The following DYNAP variants were observed in gnomAD, a reference collection of about 807,000 sequenced individuals.
DYNAP encodes dynactin associated protein.
Under a neutral mutation model 8.5 loss-of-function variants are expected in DYNAP, and 7 were observed. The ratio of observed to expected loss-of-function variants is 0.82; its 90% CI spans 0.47 to 1.54. DYNAP has a LOEUF of 1.54. DYNAP is among the 40% of genes most tolerant of loss of function. DYNAP has a pLI of 0.01. For missense variants in DYNAP, 256 were observed against 224.3 expected (o/e 1.14, Z -0.90); for synonymous variants, 77 against 77.9 (o/e 0.99, Z 0.06).
chr18:54,597,851 A>G lies in DYNAP; in HGVS notation c.261A>G (p.Lys87=). Residue 87 remains lysine, a synonymous_variant, in exon 3 of 3, where the codon AAA becomes AAG. Transcript: ENST00000648945. Reference sequence around the variant, plus strand: ...GCCGCAATGACTGGTCTATGTGGAAAGTCTTCCTGGCTTGTCTCTTAGCCT... The same window carrying G: ...GCCGCAATGACTGGTCTATGTGGAAGGTCTTCCTGGCTTGTCTCTTAGCCT... ...EYCRNDWSMW[K]VFLACLLACV... The G allele has an allele frequency of 6.2e-7, 1 of 1,612,720 alleles. No homozygotes were observed. Among genetic ancestry groups the G allele is most frequent in the Non-Finnish European group, 8.5e-7 (1 of 1,178,994 alleles).
At position 54,591,248 on chromosome 18, in the gene DYNAP, C is replaced by G. The variant is rs565086529; in HGVS notation, c.-35C>G. 3.1e-6 allele frequency: 5 copies of G among 1,612,334 alleles called. No individual in the cohort carries two copies. In the East Asian group the frequency reaches 8.9e-5, roughly 29 times the overall value. On this transcript the variant is annotated 5_prime_UTR_variant, in exon 1 of 3. Transcript: ENST00000648945. The stretch of plus-strand genomic sequence containing the variant: ...GGCAATGAACAAATTGAAAAATATT[C>G]TTGGAGAGAAGCTTGTGATACTGGC...
upstream of DYNAP, chr18:54,587,841 C>T (rs762410792): frequency 1.2e-5 from 5 of 400,602 alleles, no homozygotes; most frequent in South Asian, 1.3e-4. Flanking sequence ...GCAAAAGTCA[C>T]CCAAAAATGG....
upstream of DYNAP, among the ~76,000 whole-genome samples, chr18:54,583,854 G>A (rs1335993312): frequency 6.6e-6 from 1 of 152,026 alleles, no homozygotes; most frequent in African/African-American, 2.4e-5. Context: ...CACCTTCTGA[G>A]AACCGATCAC....
At chr18:54,588,256 G>T (rs1227898647), upstream of DYNAP, among the ~76,000 whole-genome samples, 6 of 151,058 alleles carry the variant, frequency 4.0e-5, no homozygotes, top group Non-Finnish European at 8.8e-5. Flanking sequence ...ACCCAAGCTG[G>T]AGTGTGATAG....
chr18:54,582,240 C>T, the DYNAP span, among the ~76,000 whole-genome samples: 5 of 151,718 alleles, frequency 3.3e-5, no homozygotes, highest in African/African-American at 1.2e-4. Context: ...GAGCGGAGAT[C>T]GCATCACTGC....
intron 1 of DYNAP, among the ~76,000 whole-genome samples, chr18:54,592,999 A>G (rs945239432): frequency 1.3e-5 from 2 of 152,202 alleles, no homozygotes; most frequent in Non-Finnish European, 2.9e-5. Context: ...ATCAGCACCT[A>G]GTTAAATAAG....
intron 2 of DYNAP, among the ~76,000 whole-genome samples, chr18:54,597,409 G>T (rs1174264948): frequency 6.6e-6 from 1 of 152,026 alleles, no homozygotes; most frequent in Admixed American, 6.6e-5. Flanking sequence ...ATCATTGTAG[G>T]TTCATTAATT....
chr18:54,594,590 T>C (rs142697399), intron 1 of DYNAP, among the ~76,000 whole-genome samples: 43 of 152,272 alleles, frequency 2.8e-4, no homozygotes, highest in African/African-American at 1.0e-3. Flanking sequence ...GAACAGGTTG[T>C]ACCCAATAAG....
upstream of DYNAP, among the ~76,000 whole-genome samples, chr18:54,586,029 G>C (rs140101705): frequency 6.6e-6 from 1 of 152,128 alleles, no homozygotes; most frequent in Non-Finnish European, 1.5e-5. Context: ...CCCCAATCTC[G>C]GGTCCAGATC....
At chr18:54,592,191 C>G (rs1911104472) in intron 1 of DYNAP, among the ~76,000 whole-genome samples, 1 of 151,516 alleles carries the variant, frequency 6.6e-6, no homozygotes, top group African/African-American at 2.4e-5. Flanking sequence ...ATCTTCACTC[C>G]CTGGGCTGGT....
At chr18:54,585,197 A>G (rs1454558001), upstream of DYNAP, among the ~76,000 whole-genome samples, 1 of 152,134 alleles carries the variant, frequency 6.6e-6, no homozygotes, top group Non-Finnish European at 1.5e-5. Context: ...ACTAGATTGT[A>G]TTAAAATCTA....
chr18:54,583,814 G>T (rs989713071), upstream of DYNAP, among the ~76,000 whole-genome samples: 6 of 152,084 alleles, frequency 3.9e-5, no homozygotes, highest in African/African-American at 1.4e-4. Flanking sequence ...TGTATTAAGG[G>T]TGATAAAATA....
At chr18:54,590,585 CT>C (rs1440310948), upstream of DYNAP, among the ~76,000 whole-genome samples, 3 of 152,218 alleles carry the variant, frequency 2.0e-5, no homozygotes, top group African/African-American at 7.2e-5. Flanking sequence ...ACCTGGCACA[CT>C]TTTGAAACAG....
chr18:54,598,099 C>A lies in DYNAP; in HGVS notation c.509C>A (p.Thr170Asn). The stretch of plus-strand genomic sequence containing the variant: ...ACAACTTCAACAGCTACAGCTGCCA[C>A]CACTTCCACAGAACCTATAACTGTT... ...ESTTSTATAA[T>N]TSTEPITVAP... Residue 170 changes from threonine (T) to asparagine (N), a missense_variant, in exon 3 of 3, where the codon ACC (threonine) becomes AAC (asparagine). Coordinates refer to ENST00000648945, the MANE Select transcript of DYNAP (RefSeq NM_173629.3). 1.9e-6 allele frequency: 3 copies of A among 1,613,368 alleles called. No homozygotes were observed. Among genetic ancestry groups the A allele is most frequent in the Non-Finnish European group, 2.5e-6 (3 of 1,179,642 alleles).
upstream of DYNAP, among the ~76,000 whole-genome samples, chr18:54,588,229 C>G (rs373609231): frequency 7.0e-6 from 1 of 143,058 alleles, no homozygotes; most frequent in African/African-American, 2.6e-5. Context: ...TTTTTTGAGA[C>G]GGAGTCTTGC....
chr18:54,580,832 T>A, the DYNAP span, among the ~76,000 whole-genome samples: 1 of 152,228 alleles, frequency 6.6e-6, no homozygotes, highest in Admixed American at 6.5e-5. Context: ...TCTTTTATAC[T>A]TAACAGATCT....
chr18:54,597,815 A>G lies in DYNAP; in HGVS notation c.225A>G (p.Val75=). The change falls in exon 3 of 3, where the codon GTA becomes GTG. Residue 75 remains valine (V), a splice_region_variant and synonymous_variant. Coordinates refer to ENST00000648945, the MANE Select transcript of DYNAP (RefSeq NM_173629.3). ...GATATTTTTATATACATGCTTAGGT[A>G]AAAGAATATTGCCGCAATGACTGGT... ...CLQSESCNTQ[V]KEYCRNDWSM... 1 of 1,602,558 alleles carries G rather than the reference A, an allele frequency of 6.2e-7. No individual in the cohort carries two copies. Among genetic ancestry groups the G allele is most frequent in the Non-Finnish European group, 8.5e-7 (1 of 1,172,132 alleles).
chr18:54,576,644 T>A, the DYNAP span, among the ~76,000 whole-genome samples: 3 of 149,822 alleles, frequency 2.0e-5, no homozygotes, highest in Non-Finnish European at 1.5e-5. Context: ...ACAAAAACAA[T>A]AAAAAAAAAT....
At chr18:54,586,483 G>A (rs1910882953), upstream of DYNAP, among the ~76,000 whole-genome samples, 1 of 152,124 alleles carries the variant, frequency 6.6e-6, no homozygotes, top group South Asian at 2.1e-4. Context: ...CCAGGTGGCA[G>A]CACCACCCTG....
Sources: gnomAD v4.1 joint callset for allele counts (sites outside exome capture counted in the v4.1 genomes callset) on GRCh38, gnomAD v4.1.1 for gene constraint, MANE v1.5 for transcripts, NCBI Gene and HGNC (gene_info 2026-07-23, HGNC 2026-07-21) for gene names.